The following CDK19 variants were observed in gnomAD, a reference collection of about 807,000 sequenced individuals.
CDK19 encodes cyclin-dependent kinase 19.
In CDK19, 20 loss-of-function variants were observed where a neutral mutation model predicts 68.3. The ratio of observed to expected loss-of-function variants is 0.29; its 90% CI spans 0.21 to 0.43. The LOEUF (loss-of-function observed/expected upper bound fraction) is 0.43. Ranked by LOEUF, CDK19 falls within the 20% of genes least tolerant of loss-of-function variation. The pLI is 1.00. For synonymous variants in CDK19, 221 were observed against 222.8 expected (o/e 0.99, Z 0.07); for missense variants, 339 against 623.5 (o/e 0.54, Z 4.86).
At chr6:110,663,657 C>T (rs1781747871) in intron 4 of CDK19, among the ~76,000 whole-genome samples, 1 of 152,170 alleles carries the variant, frequency 6.6e-6, no homozygotes, top group Admixed American at 6.5e-5. Context: ...TCAGCCTCCT[C>T]AGTAGCTGAA....
intron 2 of CDK19, among the ~76,000 whole-genome samples, chr6:110,731,606 ATCTC>A (rs2114798929): frequency 6.6e-6 from 1 of 152,318 alleles, no homozygotes; most frequent in Non-Finnish European, 1.5e-5. Flanking sequence ...TGTGAATTGT[ATCTC>A]AATTTTTAGA....
At chr6:110,741,172 G>A (rs559162711) in intron 2 of CDK19, among the ~76,000 whole-genome samples, 12 of 152,044 alleles carry the variant, frequency 7.9e-5, no homozygotes, top group African/African-American at 2.9e-4. Flanking sequence ...AATGATGACT[G>A]TGGTGGGGTG....
intron 1 of CDK19, among the ~76,000 whole-genome samples, chr6:110,771,606 C>T (rs898222440): frequency 6.6e-6 from 1 of 152,204 alleles, no homozygotes; most frequent in Non-Finnish European, 1.5e-5. Context: ...TAACATTCTG[C>T]TCCTCGTTAC....
intron 2 of CDK19, among the ~76,000 whole-genome samples, chr6:110,735,909 G>A (rs1777217088): frequency 6.6e-6 from 1 of 152,206 alleles, no homozygotes; most frequent in Non-Finnish European, 1.5e-5. Flanking sequence ...CAGTTAGAGG[G>A]TGGAGCTGAG....
chr6:110,787,009 C>G (rs1342951223), intron 1 of CDK19, among the ~76,000 whole-genome samples: 1 of 152,114 alleles, frequency 6.6e-6, no homozygotes, highest in African/African-American at 2.4e-5. Context: ...AATCCTGGGG[C>G]TTGCTTCATT....
intron 1 of CDK19, among the ~76,000 whole-genome samples, chr6:110,769,411 A>C (rs1044780476): frequency 2.0e-5 from 3 of 150,908 alleles, no homozygotes; most frequent in Admixed American, 1.3e-4. Flanking sequence ...CTAAAAATAC[A>C]AAAATTAGCC....
intron 2 of CDK19, among the ~76,000 whole-genome samples, chr6:110,708,202 C>G (rs1774671894): frequency 1.3e-5 from 2 of 152,124 alleles, no homozygotes; most frequent in Admixed American, 6.5e-5. Flanking sequence ...CTGGACAGTA[C>G]AGATACTTTC....
At chr6:110,742,146 G>A (rs1206385194) in intron 2 of CDK19, among the ~76,000 whole-genome samples, 8 of 152,184 alleles carry the variant, frequency 5.3e-5, no homozygotes, top group African/African-American at 1.2e-4. Context: ...GGCTGGAGCC[G>A]CAGCAGAGGA....
intron 2 of CDK19, among the ~76,000 whole-genome samples, chr6:110,718,312 A>G (rs186012950): frequency 6.6e-6 from 1 of 152,292 alleles, no homozygotes; most frequent in Non-Finnish European, 1.5e-5. Context: ...CCACTCAAAA[A>G]CAGATGACGA....
chr6:110,639,558 G>A (rs1180470736), intron 4 of CDK19, among the ~76,000 whole-genome samples: 4 of 152,152 alleles, frequency 2.6e-5, no homozygotes, highest in African/African-American at 7.2e-5. Context: ...TACTACATAA[G>A]TAGAAAGAAA....
chr6:110,769,564 CA>C lies in CDK19; in HGVS notation c.129-23364del, dbSNP rs199964074. On this transcript the variant is annotated intron_variant, in intron 1 of 12. Transcript: ENST00000368911. ...TGGGTGAGAGAGCAAGATTCCATCT[CA>C]AAAAAAAAAAAAAATAATAATAATA... Among the ~76,000 whole-genome samples the C allele has an allele frequency of 7.5e-3, 886 of 117,924 alleles. 7 individuals are homozygous for C. Among genetic ancestry groups the C allele is most frequent in the African/African-American group, 0.02 (679 of 34,586 alleles). 77.4% of individuals were successfully genotyped at this position (117,924 alleles called of 152,430 possible). A position where few individuals can be genotyped will look rare whatever the true frequency, so the allele number is the denominator to read the frequency against.
At chr6:110,615,956 A>G (rs1003223822) in intron 12 of CDK19, among the ~76,000 whole-genome samples, 1 of 152,056 alleles carries the variant, frequency 6.6e-6, no homozygotes, top group Non-Finnish European at 1.5e-5. Context: ...CCCACCCAGA[A>G]GTGGACTCAG....
intron 1 of CDK19, among the ~76,000 whole-genome samples, chr6:110,788,925 C>T (rs1373323644): frequency 6.6e-6 from 1 of 152,056 alleles, no homozygotes; most frequent in African/African-American, 2.4e-5. Flanking sequence ...CATATGGGTG[C>T]CATGGTGTTA....
chr6:110,645,164 T>C (rs1780470662), intron 4 of CDK19, among the ~76,000 whole-genome samples: 1 of 152,194 alleles, frequency 6.6e-6, no homozygotes, highest in African/African-American at 2.4e-5. Flanking sequence ...CACATTTTTC[T>C]CAAGCACACA....
chr6:110,814,494 AGC>A (rs1783410703), intron 1 of CDK19: 3 of 407,560 alleles, frequency 7.4e-6, no homozygotes, highest in Non-Finnish European at 1.4e-5. Context: ...GGCGGTGCCC[AGC>A]GGGTCAGAGC....
chr6:110,797,230 C>G (rs894871381), intron 1 of CDK19, among the ~76,000 whole-genome samples: 9 of 151,702 alleles, frequency 5.9e-5, no homozygotes, highest in Admixed American at 5.9e-4. Context: ...ATCCCAGGTA[C>G]TCGGGAGGCT....
At chr6:110,713,195 C>CAAA (rs552100163) in intron 2 of CDK19, among the ~76,000 whole-genome samples, 4 of 50,060 alleles carry the variant, frequency 8.0e-5, no homozygotes, top group African/African-American at 7.8e-5. Flanking sequence ...GATCCCATCT[C>CAAA]AAAAAAAAAA....
chr6:110,656,045 C>T (rs1399704871), intron 4 of CDK19, among the ~76,000 whole-genome samples: 1 of 152,182 alleles, frequency 6.6e-6, no homozygotes, highest in African/African-American at 2.4e-5. Flanking sequence ...CTCTCTTCAT[C>T]TTACCAATTT....
intron 2 of CDK19, among the ~76,000 whole-genome samples, chr6:110,679,822 TTTA>T (rs1271038091): frequency 2.6e-5 from 4 of 152,214 alleles, no homozygotes; most frequent in African/African-American, 9.6e-5. Flanking sequence ...TTATATGTTA[TTTA>T]TTGTCTGTCT....
Sources: allele counts gnomAD v4.1 joint callset (sites outside exome capture counted in the v4.1 genomes callset), GRCh38; gene constraint gnomAD v4.1.1; transcripts MANE v1.5; gene names NCBI Gene and HGNC (gene_info 2026-07-23, HGNC 2026-07-21).